Variants in UTP18 observed in about 807,000 individuals in gnomAD.
The protein encoded by UTP18 is UTP18 small subunit processome component.
UTP18 carries 36 observed loss-of-function variants against 61.1 expected under a neutral mutation model. The observed-to-expected ratio is 0.59, with a 90% CI of 0.45 to 0.78. The LOEUF is 0.78. Among genes scored for constraint, UTP18 ranks in the 30% least tolerant of loss-of-function variants. The probability of loss-of-function intolerance (pLI) is 0.00; values close to 1 mark genes in which losing one functional copy is unlikely to be tolerated. For synonymous variants in UTP18, 282 were observed against 251.1 expected, an observed-to-expected ratio of 1.12 and a Z score of -1.16; for missense variants, 753 against 693.9, an observed-to-expected ratio of 1.09 and a Z score of -0.96.
intron 4 of UTP18, among the ~76,000 whole-genome samples, chr17:51,271,397 C>T (rs1007764902): frequency 1.1e-4 from 16 of 151,966 alleles, no homozygotes; most frequent in Admixed American, 9.2e-4. Context: ...GTCTCGACCT[C>T]CTGGGTTCAA....
chr17:51,275,389 A>C (rs953811536), intron 5 of UTP18, among the ~76,000 whole-genome samples: 13 of 152,204 alleles, frequency 8.5e-5, no homozygotes, highest in African/African-American at 3.1e-4. Context: ...ATGTACCCTA[A>C]GAGAATAAAG....
At position 51,285,222 on chromosome 17, in the gene UTP18, CTT is replaced by C. The variant is rs1211972137; in HGVS notation, c.1205-17_1205-16del. 6 of 1,609,866 alleles carry C rather than the reference CTT, an allele frequency of 3.7e-6. No individual in the cohort carries two copies. In the East Asian group the frequency reaches 6.7e-5, roughly 18 times the overall value. On this transcript the variant is annotated intron_variant, in intron 9 of 13. Transcript: ENST00000225298. ...CAAGTTTAAAGCAAAATTAACAACT[CTT>C]TTTTTCGCTCTTTTATGCAGGGGAT...
At chr17:51,295,730 T>C (rs1274429691) in intron 12 of UTP18, among the ~76,000 whole-genome samples, 3 of 152,238 alleles carry the variant, frequency 2.0e-5, no homozygotes, top group Non-Finnish European at 4.4e-5. Flanking sequence ...TTTCCAATTC[T>C]GTGAAGAAAG....
At chr17:51,281,164 A>ATATATTTTT (rs59857038) in intron 9 of UTP18, among the ~76,000 whole-genome samples, 42 of 140,432 alleles carry the variant, frequency 3.0e-4, no homozygotes, top group African/African-American at 1.0e-3. Context: ...ATATATATAT[A>ATATATTTTT]TTTTTTTTAA....
At chr17:51,263,586 C>T (rs1187094023) in intron 2 of UTP18, among the ~76,000 whole-genome samples, 200 bp downstream of exon 2, 1 of 152,254 alleles carries the variant, frequency 6.6e-6, no homozygotes, top group East Asian at 1.9e-4. Context: ...ACTTCTGTCT[C>T]AGTCTCCTCT....
At chr17:51,260,995 G>T (rs374336052) in intron 1 of UTP18, 69 bp downstream of exon 1, 4 of 1,331,734 alleles carry the variant, frequency 3.0e-6, no homozygotes, top group Admixed American at 8.2e-5. Context: ...TGAAGCTCCG[G>T]GGGGCGGAGC....
In UTP18 at chr17:51,289,054, A is replaced by G. The variant is rs1430567622; in HGVS notation, c.1503+851A>G. On this transcript the variant is annotated intron_variant, in intron 11 of 13. Transcript: ENST00000225298. Reference sequence around the variant, plus strand: ...AAAAGCCAGGTGTTTAGCATAAACCACATTGTTTGTACAAACAGTTTAGGC... The same window carrying G: ...AAAAGCCAGGTGTTTAGCATAAACCGCATTGTTTGTACAAACAGTTTAGGC... 2.6e-5 allele frequency among the ~76,000 whole-genome samples: 4 copies of G among 152,222 alleles called. No homozygotes were observed. The East Asian group carries it at 5.8e-4, about 22-fold the overall frequency.
intron 9 of UTP18, among the ~76,000 whole-genome samples, chr17:51,284,526 A>T (rs1905043997): frequency 6.6e-6 from 1 of 152,166 alleles, no homozygotes; most frequent in South Asian, 2.1e-4. Context: ...CTAAATCGCT[A>T]ACCTTGCCTA....
intron 11 of UTP18, among the ~76,000 whole-genome samples, chr17:51,292,951 C>T (rs190570620): frequency 7.7e-4 from 117 of 152,242 alleles, no homozygotes; most frequent in African/African-American, 2.7e-3. Flanking sequence ...AGTGTATATA[C>T]AATAGTTGAA....
chr17:51,268,790 A>C, intron 3 of UTP18, 47 bp from the exon 4 acceptor site: 1 of 1,488,286 alleles, frequency 6.7e-7, no homozygotes. Context: ...AGCTTTATGG[A>C]CATGTAGTGG....
At chr17:51,288,350 T>C in intron 11 of UTP18, 147 bp downstream of exon 11, 1 of 881,832 alleles carries the variant, frequency 1.1e-6, no homozygotes, top group Non-Finnish European at 1.7e-6. Flanking sequence ...AGCTTTTGGA[T>C]GTGGTTGTTG....
intron 13 of UTP18, 65 bp from the exon 14 acceptor site, chr17:51,297,716 AG>A (rs1290990063): frequency 9.2e-6 from 4 of 433,134 alleles, no homozygotes; most frequent in Non-Finnish European, 1.8e-5. Context: ...TTACATTGCC[AG>A]TACGTGTCTG....
chr17:51,277,336 C>T, intron 7 of UTP18, 32 bp downstream of exon 7: 2 of 1,608,546 alleles, frequency 1.2e-6, no homozygotes, highest in Non-Finnish European at 1.7e-6. Flanking sequence ...CACAACCAGT[C>T]ATTCCCCCCA....
chr17:51,271,772 A>T (rs952192086), intron 4 of UTP18, among the ~76,000 whole-genome samples: 1 of 152,018 alleles, frequency 6.6e-6, no homozygotes, highest in African/African-American at 2.4e-5. Context: ...AGTTCAAATG[A>T]TTCTCCTGCC....
At chr17:51,274,714 G>A (rs757078044) in intron 5 of UTP18, among the ~76,000 whole-genome samples, 13 of 151,880 alleles carry the variant, frequency 8.6e-5, no homozygotes, top group East Asian at 3.9e-4. Flanking sequence ...AGCTCCCAAC[G>A]TGCTGGGATT....
At chr17:51,281,164 A>ATTTT (rs1555555693) in intron 9 of UTP18, among the ~76,000 whole-genome samples, 17 of 140,416 alleles carry the variant, frequency 1.2e-4, no homozygotes, top group Non-Finnish European at 2.1e-4. Flanking sequence ...ATATATATAT[A>ATTTT]TTTTTTTTAA....
chr17:51,283,069 G>A (rs571385798), intron 9 of UTP18, among the ~76,000 whole-genome samples: 1 of 151,252 alleles, frequency 6.6e-6, no homozygotes, highest in Non-Finnish European at 1.5e-5. Context: ...GGGTTTTCTT[G>A]TGTTGCCCAG....
chr17:51,293,448 G>T (rs559655420), intron 11 of UTP18, among the ~76,000 whole-genome samples: 5 of 152,114 alleles, frequency 3.3e-5, no homozygotes, highest in Admixed American at 6.6e-5. Context: ...GGCGCAGGAC[G>T]GTTTGATTGT....
Position 51,293,505 on chromosome 17 carries a change from T to G in UTP18, c.1504-398T>G, listed in dbSNP as rs568351077. Among the ~76,000 whole-genome samples, 863 of 150,310 alleles carry G rather than the reference T, an allele frequency of 5.7e-3. 9 individuals are homozygous for G. Among genetic ancestry groups the G allele is most frequent in the African/African-American group, 0.019 (800 of 41,144 alleles). ...CTTTCTTAAAACATGAGTTGTTGTT[T>G]TTTTTTTTTTTAAGCTCATCACCTG... On this transcript the variant is annotated intron_variant, in intron 11 of 13. Transcript: ENST00000225298.
Sources: gnomAD v4.1 joint callset for allele counts (sites outside exome capture counted in the v4.1 genomes callset) on GRCh38, gnomAD v4.1.1 for gene constraint, MANE v1.5 for transcripts, NCBI Gene and HGNC (gene_info 2026-07-23, HGNC 2026-07-21) for gene names.